CELF2: variants seen among roughly 807,000 people sequenced by gnomAD.
CELF2 encodes the protein CUG triplet repeat RNA-binding protein 2.
In CELF2, 8 loss-of-function variants were observed where a neutral mutation model predicts 62.6. The ratio of observed to expected loss-of-function variants is 0.13; its 90% CI spans 0.07 to 0.23. The LOEUF is 0.23. Ranked by LOEUF, CELF2 falls within the 10% of genes least tolerant of loss-of-function variation. The probability of loss-of-function intolerance (pLI) is 1.00; values close to 1 mark genes in which losing one functional copy is unlikely to be tolerated. For missense variants in CELF2, 333 were observed against 671.0 expected, an observed-to-expected ratio of 0.50 and a Z score of 5.56; for synonymous variants, 258 against 250.0, an observed-to-expected ratio of 1.03 and a Z score of -0.30.
chr10:10,619,535 G>A, the CELF2 span, among the ~76,000 whole-genome samples: 60 of 152,298 alleles, frequency 3.9e-4, no homozygotes, highest in African/African-American at 1.4e-3. Context: ...AAAGATGGAC[G>A]TGGAGGTCTT....
intron 8 of CELF2, among the ~76,000 whole-genome samples, chr10:11,281,465 C>T (rs942510601): frequency 1.3e-5 from 2 of 152,142 alleles, no homozygotes; most frequent in African/African-American, 2.4e-5. Context: ...AAGGAAATCA[C>T]GTTAAGAAAC....
the CELF2 span, among the ~76,000 whole-genome samples, chr10:10,504,225 A>G: frequency 1.2e-4 from 19 of 152,164 alleles, no homozygotes; most frequent in Non-Finnish European, 2.4e-4. Context: ...TTCCACTTAG[A>G]AAACTTCCTT....
chr10:10,821,435 C>T (rs567127155), intron 1 of CELF2, among the ~76,000 whole-genome samples: 1 of 152,282 alleles, frequency 6.6e-6, no homozygotes, highest in Admixed American at 6.5e-5. Context: ...TGGGTCATTG[C>T]CTCTCCCTGC....
rs1457632446 is a variant in CELF2, at chr10:11,159,098, G to C, written c.75-6388G>C. Among the ~76,000 whole-genome samples, 1 of 152,178 alleles carries C rather than the reference G, an allele frequency of 6.6e-6. No homozygotes were observed. The highest frequency in any genetic ancestry group is 2.4e-5 in the African/African-American group (1 of 41,446). On this transcript the variant is annotated intron_variant, in intron 1 of 12. Coordinates refer to ENST00000633077, the MANE Select transcript of CELF2 (RefSeq NM_001326342.2). The surrounding 1 kb of genome is among the most constrained non-coding windows in gnomAD (Gnocchi z 5.0). ...GTCAATTTTCCATGTGGATTCACTA[G>C]CTGATGTGTGGCCATCTCAGAGATG...
chr10:11,180,493 A>T (rs2072957248), intron 2 of CELF2, among the ~76,000 whole-genome samples: 1 of 152,166 alleles, frequency 6.6e-6, no homozygotes. Context: ...TAAAACCGAC[A>T]CCGTACTCAG....
intron 1 of CELF2, among the ~76,000 whole-genome samples, chr10:11,147,299 C>T (rs2062454102): frequency 6.6e-6 from 1 of 152,124 alleles, no homozygotes; most frequent in African/African-American, 2.4e-5. Flanking sequence ...GCTTTGCCCT[C>T]TTGGTGAGAA....
chr10:11,251,947 A>G (rs533487348), intron 4 of CELF2, among the ~76,000 whole-genome samples: 2 of 152,336 alleles, frequency 1.3e-5, no homozygotes, highest in South Asian at 4.1e-4. Flanking sequence ...CTGTATGTAC[A>G]AATCAAAACC....
intron 8 of CELF2, among the ~76,000 whole-genome samples, chr10:11,282,374 AG>A (rs1319110635): frequency 6.6e-6 from 1 of 152,166 alleles, no homozygotes. Flanking sequence ...TGGCCCTTGG[AG>A]AATGGCTCAT....
chr10:10,972,596 CT>C lies in CELF2; in HGVS notation c.89+52599del. ...TCATCTCTCTTACGGGTTCAACCGT[CT>C]TCTACATATTGATGATTCTCAGTCC... is the stretch of plus-strand genomic sequence containing the variant. On this transcript the variant is annotated intron_variant, in intron 2 of 13. Transcript: ENST00000636488. The surrounding 1 kb of genome is among the most constrained non-coding windows in gnomAD (Gnocchi z 4.4). Among the ~76,000 whole-genome samples the C allele has an allele frequency of 6.6e-6, 1 of 152,304 alleles. No homozygotes were observed. The highest frequency in any genetic ancestry group is 1.9e-4 in the East Asian group (1 of 5,184).
intron 1 of CELF2, among the ~76,000 whole-genome samples, chr10:10,849,657 G>T (rs907406619): frequency 2.2e-4 from 33 of 152,004 alleles, no homozygotes; most frequent in African/African-American, 7.7e-4. Context: ...ATCAAAATCA[G>T]GAAATTAACA....
At chr10:10,649,842 T>C in the CELF2 span, among the ~76,000 whole-genome samples, 2 of 152,208 alleles carry the variant, frequency 1.3e-5, no homozygotes, top group Admixed American at 6.5e-5. Context: ...GACAGAGTGA[T>C]GCCTGAGAGG....
the CELF2 span, among the ~76,000 whole-genome samples, chr10:10,664,480 CA>C: frequency 1.3e-5 from 2 of 152,112 alleles, no homozygotes; most frequent in African/African-American, 4.8e-5. Context: ...AACAATATTA[CA>C]AAGACACCAC....
At chr10:10,980,349 C>G (rs897412949) in intron 2 of CELF2, among the ~76,000 whole-genome samples, 19 of 152,200 alleles carry the variant, frequency 1.2e-4, no homozygotes, top group Admixed American at 7.2e-4. Context: ...CTCTTCCCCC[C>G]CCAAGATGGT....
intron 3 of CELF2, among the ~76,000 whole-genome samples, chr10:11,225,397 C>T (rs7095919): frequency 0.97 from 148,364 of 152,316 alleles, 72,375 homozygotes; most frequent in East Asian, 1. Flanking sequence ...ACTGAGTGGC[C>T]CTTTCCAATC....
chr10:10,752,718 G>GA, the CELF2 span, among the ~76,000 whole-genome samples: 23 of 84,452 alleles, frequency 2.7e-4, no homozygotes, highest in South Asian at 6.9e-3. Flanking sequence ...GAAAGAAAAA[G>GA]AAAAAAAAAG....
At chr10:11,190,939 G>A (rs1052553369) in intron 2 of CELF2, among the ~76,000 whole-genome samples, 3 of 152,138 alleles carry the variant, frequency 2.0e-5, no homozygotes, top group African/African-American at 7.2e-5. Flanking sequence ...GAGGTTTAGT[G>A]TGGGGAGATG....
the CELF2 span, among the ~76,000 whole-genome samples, chr10:10,641,884 A>C: frequency 6.6e-6 from 1 of 152,192 alleles, no homozygotes; most frequent in African/African-American, 2.4e-5. Context: ...GGTTGCATTA[A>C]TTCCCCCTCC....
intron 1 of CELF2, among the ~76,000 whole-genome samples, chr10:11,114,611 T>C (rs1481334051): frequency 6.6e-6 from 1 of 152,214 alleles, no homozygotes. Context: ...TTGTATGAGG[T>C]TGAGTGAGTG....
At chr10:11,119,866 C>CT (rs928762294) in intron 1 of CELF2, among the ~76,000 whole-genome samples, 8 of 77,814 alleles carry the variant, frequency 1.0e-4, no homozygotes, top group South Asian at 7.6e-4. Flanking sequence ...ATTCCGCCTC[C>CT]CCCCCCCCGG....
Sources: allele counts gnomAD v4.1 joint callset (sites outside exome capture counted in the v4.1 genomes callset), GRCh38; gene constraint gnomAD v4.1.1; non-coding constraint Gnocchi (gnomAD v3.1); transcripts MANE v1.5; gene names NCBI Gene and HGNC (gene_info 2026-07-23, HGNC 2026-07-21).